The following ANO9 variants were observed in gnomAD, a reference collection of about 807,000 sequenced individuals.
The protein encoded by ANO9 is anoctamin 9.
Under a neutral mutation model 100.5 loss-of-function variants are expected in ANO9, and 80 were observed. That is an observed-to-expected ratio of 0.80 (90% CI 0.66 to 0.96). The LOEUF (loss-of-function observed/expected upper bound fraction) is 0.96, where lower values mean the gene tolerates loss of function less well. Among genes scored for constraint, ANO9 ranks in the 40% least tolerant of loss-of-function variants. The pLI, the probability that ANO9 is intolerant of heterozygous loss-of-function variation, is 0.00. For missense variants in ANO9, 1,064 were observed against 1,072.7 expected (o/e 0.99, Z 0.11); for synonymous variants, 473 against 435.6 (o/e 1.09, Z -1.07).
chr11:427,524 G>T (rs192894635), intron 15 of ANO9, among the ~76,000 whole-genome samples: 38 of 151,734 alleles, frequency 2.5e-4, no homozygotes, highest in Admixed American at 2.1e-3. Flanking sequence ...TCGAGCCCAG[G>T]AATTCGAAAC....
rs1564928083 is a variant in ANO9 at position 433,541 on chromosome 11, A to ACCTCAGAACCCTCCCCCCTCTATCCCG, written c.205-83_205-82insCGGGATAGAGGGGGGAGGGTTCTGAGG. The ACCTCAGAACCCTCCCCCCTCTATCCCG allele has an allele frequency of 1.3e-5, 19 of 1,434,368 alleles. No individual in the cohort carries two copies. In the Admixed American group the frequency reaches 3.9e-4, roughly 29 times the overall value. 88.9% of individuals were successfully genotyped at this position (1,434,368 alleles called of 1,614,324 possible). ...CTCAGAACCCTCCCCCCTCTATTCC[A>ACCTCAGAACCCTCCCCCCTCTATCCCG]CCTCAGAACCCTCCCCCCTCTATTC... On this transcript the variant is annotated intron_variant, in intron 3 of 22. Transcript: ENST00000332826.
chr11:418,294 G>C lies in ANO9; in HGVS notation c.*77C>G, dbSNP rs1262221716. ...GCCTTCTCACAGCACCCCTCAACAC[G>C]CACAGCGGTGGGCTTGTGGGAGGTG... On this transcript the variant is annotated 3_prime_UTR_variant, in exon 23 of 23. Transcript: ENST00000332826. 1 of 1,375,464 alleles carries C rather than the reference G, an allele frequency of 7.3e-7. No homozygotes were observed. Among genetic ancestry groups the C allele is most frequent in the East Asian group, 2.5e-5 (1 of 40,046 alleles). The allele number at this position is 1,375,464 out of a possible 1,614,324, so 85.2% of individuals were successfully genotyped here. A position where few individuals can be genotyped will look rare whatever the true frequency, so the allele number is the denominator to read the frequency against.
In ANO9 at chr11:420,713, C is replaced by T. The variant is rs770532175; in HGVS notation, c.1633+5G>A. 5.6e-6 allele frequency: 9 copies of T among 1,607,072 alleles called. No individual in the cohort carries two copies. Among genetic ancestry groups the T allele is most frequent in the Non-Finnish European group, 7.6e-6 (9 of 1,177,646 alleles). ...GCGAACCCCCGCCCCGCAGCGCCCACGCACTCATCTCCATGAACTCGTCGA... is the reference window on the plus strand; with the variant it reads ...GCGAACCCCCGCCCCGCAGCGCCCATGCACTCATCTCCATGAACTCGTCGA... On this transcript the variant is annotated splice_donor_5th_base_variant and intron_variant, in intron 18 of 22. Coordinates refer to ENST00000332826, the MANE Select transcript of ANO9 (RefSeq NM_001012302.3).
rs1564901218 is a variant in ANO9 at position 418,799 on chromosome 11, CG to C, written c.2050del (p.Arg684AlafsTer48). Reference sequence around the variant, plus strand: ...GGAGAAGTTGTAATCGGGGGGATTGCGGTAGTCCCTGTATCTGGGGTAAGGA... The same window carrying C: ...GGAGAAGTTGTAATCGGGGGGATTGCGTAGTCCCTGTATCTGGGGTAAGGA... ...NVTLCRYRDY[R>X]NPPDYNFSEQ... is the part of the protein sequence containing the mutation. On this transcript the variant is annotated frameshift_variant, in exon 22 of 23. Coordinates refer to ENST00000332826, the MANE Select transcript of ANO9 (RefSeq NM_001012302.3). LOFTEE classifies it high-confidence loss of function. 1.2e-6 allele frequency: 2 copies of C among 1,613,182 alleles called. No individual in the cohort carries two copies. The highest frequency in any genetic ancestry group is 8.5e-7 in the Non-Finnish European group (1 of 1,179,964).
Position 433,306 on chromosome 11 carries a change from C to T in ANO9, c.350+8G>A, listed in dbSNP as rs368775335. Reference sequence around the variant, plus strand: ...CTCCTGGCCACGGCTCTGGGTGCAGCCTCTCACCTCGTGGTGACCGGGATG... The same window carrying T: ...CTCCTGGCCACGGCTCTGGGTGCAGTCTCTCACCTCGTGGTGACCGGGATG... On this transcript the variant is annotated splice_region_variant and intron_variant, in intron 4 of 22. Transcript: ENST00000332826. 2.5e-6 allele frequency: 4 copies of T among 1,611,176 alleles called. No individual in the cohort carries two copies. The highest frequency in any genetic ancestry group is 2.5e-6 in the Non-Finnish European group (3 of 1,179,182).
chr11:420,769 G>A lies in ANO9; in HGVS notation c.1582C>T (p.Leu528Phe). 1 of 1,604,238 alleles carries A rather than the reference G, an allele frequency of 6.2e-7. No individual in the cohort carries two copies. Among genetic ancestry groups the A allele is most frequent in the Non-Finnish European group, 8.5e-7 (1 of 1,177,598 alleles). The change falls in exon 18 of 23, where the codon CTT (leucine) becomes TTT (phenylalanine). Residue 528 changes from leucine to phenylalanine, a missense_variant. Physicochemically the swap from Leu to Phe is conservative, Grantham distance 22. Transcript: ENST00000332826. The part of the protein sequence containing the change: ...PELRDWRRNY[L>F]LNPVNTFSLF... ...CTGAAGGTGTTGACCGGGTTCAGAA[G>A]GTAGTTGCGCCGCCAGTCCCTGAGC... is the stretch of plus-strand genomic sequence containing the variant.
rs771288072 is a variant in ANO9, at chr11:431,692, A to G, written c.539+2T>C. 8 of 1,612,078 alleles carry G rather than the reference A, an allele frequency of 5.0e-6. No homozygotes were observed. The highest frequency in any genetic ancestry group is 1.7e-4 in the Middle Eastern group (1 of 6,004). ...TCCTGTGCTCTCTTTGGGCAGCGTT[A>G]CCTGATTTCATCAACTGGCTGCTCC... is the stretch of plus-strand genomic sequence containing the variant. On this transcript the variant is annotated splice_donor_variant, in intron 7 of 22. Coordinates refer to ENST00000332826, the MANE Select transcript of ANO9 (RefSeq NM_001012302.3). LOFTEE classifies it high-confidence loss of function.
chr11:420,595 T>C lies in ANO9; in HGVS notation c.1654A>G (p.Thr552Ala). Reference protein sequence around the residue: ...MEMMIQYGFTTIFVAAFPLAP... With the variant: ...MEMMIQYGFTAIFVAAFPLAP... ...AGCGGGAAGGCGGCCACGAAGATGGTGGTGAAGCCGTACTGGATCACTGCG... is the reference window on the plus strand; with the variant it reads ...AGCGGGAAGGCGGCCACGAAGATGGCGGTGAAGCCGTACTGGATCACTGCG... Residue 552 changes from threonine to alanine, a missense_variant, in exon 19 of 23, where the codon ACC becomes GCC. Coordinates refer to ENST00000332826, the MANE Select transcript of ANO9 (RefSeq NM_001012302.3). The C allele has an allele frequency of 6.2e-7, 1 of 1,604,960 alleles. No homozygotes were observed. Among genetic ancestry groups the C allele is most frequent in the Non-Finnish European group, 8.5e-7 (1 of 1,179,490 alleles).
intron 19 of ANO9, 172 bp from the exon 20 acceptor site, chr11:419,901 C>T (rs1233114568): frequency 2.1e-6 from 3 of 1,426,478 alleles, no homozygotes; most frequent in African/African-American, 3.2e-5. Context: ...AGAGCATGGC[C>T]TCTGCGCTCC....
chr11:421,275 C>T lies in ANO9; in HGVS notation c.1335-77G>A, dbSNP rs901826763. The T allele has an allele frequency of 1.2e-5, 17 of 1,402,748 alleles. No individual in the cohort carries two copies. Among genetic ancestry groups the T allele is most frequent in the Admixed American group, 2.9e-5 (1 of 34,722 alleles). 86.9% of individuals were successfully genotyped at this position (1,402,748 alleles called of 1,614,324 possible). On this transcript the variant is annotated intron_variant, in intron 15 of 22. Coordinates refer to ENST00000332826, the MANE Select transcript of ANO9 (RefSeq NM_001012302.3). The surrounding 1 kb of genome is among the most constrained non-coding windows in gnomAD (Gnocchi z 6.8). ...CAGGGTGGGTGCAGCAGGACAGAAG[C>T]GGGTAGGAAAGACACAGAACAGGCG... is the stretch of plus-strand genomic sequence containing the variant.
chr11:421,230 G>A lies in ANO9; in HGVS notation c.1335-32C>T. ...AGGAAGGGGAAGTCTGGGGCACTGCGGGCAGCGCCCTGCCTCTGACAGGGT... is the reference window on the plus strand; with the variant it reads ...AGGAAGGGGAAGTCTGGGGCACTGCAGGCAGCGCCCTGCCTCTGACAGGGT... On this transcript the variant is annotated intron_variant, in intron 15 of 22. Coordinates refer to ENST00000332826, the MANE Select transcript of ANO9 (RefSeq NM_001012302.3). The surrounding 1 kb of genome is among the most constrained non-coding windows in gnomAD (Gnocchi z 6.8). The A allele has an allele frequency of 6.7e-7, 1 of 1,495,864 alleles. No individual in the cohort carries two copies. The highest frequency in any genetic ancestry group is 1.4e-5 in the South Asian group (1 of 74,048). 92.7% of individuals were successfully genotyped at this position (1,495,864 alleles called of 1,614,324 possible).
chr11:429,256 G>A (rs574980251), intron 11 of ANO9, among the ~76,000 whole-genome samples: 4 of 122,520 alleles, frequency 3.3e-5, no homozygotes, highest in Admixed American at 8.8e-5. Flanking sequence ...CACACCTCAC[G>A]GGTGGACAGA....
At position 431,836 on chromosome 11, in the gene ANO9, C is replaced by A. The variant is rs370369795; in HGVS notation, c.465+12G>T. 186 of 1,611,088 alleles carry A rather than the reference C, an allele frequency of 1.2e-4. No individual in the cohort carries two copies. The Middle Eastern group carries it at 1.3e-3, about 11-fold the overall frequency. On this transcript the variant is annotated intron_variant, in intron 6 of 22. Transcript: ENST00000332826. ...CACCCCAGGGCCCTCTCCAGGCCAG[C>A]CCACCCCTCACCTTGTGCAGGGGGA...
intron 1 of ANO9, among the ~76,000 whole-genome samples, chr11:437,037 G>T (rs575224153): frequency 7.8e-6 from 1 of 128,658 alleles, no homozygotes; most frequent in Non-Finnish European, 1.7e-5. Context: ...GGGGGTGAGC[G>T]GGGGGTGCGT....
intron 18 of ANO9, 23 bp downstream of exon 18, chr11:420,695 C>T: frequency 1.9e-6 from 3 of 1,604,002 alleles, no homozygotes; most frequent in Non-Finnish European, 2.6e-6. Flanking sequence ...TCCGCGAACC[C>T]CCGCCCCGCA....
chr11:423,666 C>A (rs1848324451), intron 15 of ANO9, among the ~76,000 whole-genome samples: 1 of 151,948 alleles, frequency 6.6e-6, no homozygotes, highest in Non-Finnish European at 1.5e-5. Flanking sequence ...AACCACCACG[C>A]CCAACTAATT....
Position 418,073 on chromosome 11 carries a change from A to C in ANO9, c.*298T>G. On this transcript the variant is annotated 3_prime_UTR_variant, in exon 23 of 23. Coordinates refer to ENST00000332826, the MANE Select transcript of ANO9 (RefSeq NM_001012302.3). ...CAGAAGTCAGAGGGAGGCCCAGGAA[A>C]TTTGCGCCAGTTTTCCTGCCTTGTG... 2.7e-6 allele frequency: 1 copy of C among 374,226 alleles called. No individual in the cohort carries two copies. Among genetic ancestry groups the C allele is most frequent in the Non-Finnish European group, 4.8e-6 (1 of 207,696 alleles). The allele number at this position is 374,226 out of a possible 1,614,324, so 23.2% of individuals were successfully genotyped here. A position where few individuals can be genotyped will look rare whatever the true frequency, so the allele number is the denominator to read the frequency against.
chr11:423,728 A>G (rs1848329246), intron 15 of ANO9, among the ~76,000 whole-genome samples: 1 of 151,894 alleles, frequency 6.6e-6, no homozygotes, highest in African/African-American at 2.4e-5. Flanking sequence ...AGTGGGTCTC[A>G]CTACATTGCC....
intron 1 of ANO9, among the ~76,000 whole-genome samples, chr11:441,274 C>T (rs1312824821): frequency 6.6e-6 from 1 of 152,042 alleles, no homozygotes; most frequent in Non-Finnish European, 1.5e-5. Flanking sequence ...CCCCAGGTGA[C>T]CTCTTCACTG....
Sources: gnomAD v4.1 joint callset for allele counts (sites outside exome capture counted in the v4.1 genomes callset) on GRCh38, gnomAD v4.1.1 for gene constraint, Gnocchi (gnomAD v3.1) non-coding constraint, MANE v1.5 for transcripts, NCBI Gene and HGNC (gene_info 2026-07-23, HGNC 2026-07-21) for gene names.